Variants in LRRC1 observed in about 807,000 individuals in gnomAD.
The protein encoded by LRRC1 is leucine rich repeat containing 1.
In LRRC1, 28 loss-of-function variants were observed where a neutral mutation model predicts 69.9. The observed-to-expected ratio is 0.40, with a 90% CI of 0.30 to 0.55. LRRC1 has a LOEUF of 0.55. Ranked by LOEUF, LRRC1 falls within the 20% of genes least tolerant of loss-of-function variation. The pLI, the probability that LRRC1 is intolerant of heterozygous loss-of-function variation, is 0.47. For missense variants in LRRC1, 498 were observed against 609.0 expected (o/e 0.82, Z 1.92); for synonymous variants, 236 against 240.2 (o/e 0.98, Z 0.16).
chr6:53,812,368 G>T (rs1344514886), intron 1 of LRRC1, among the ~76,000 whole-genome samples: 1 of 152,142 alleles, frequency 6.6e-6, no homozygotes, highest in Non-Finnish European at 1.5e-5. Flanking sequence ...TGAATTATTG[G>T]TTTGAGTGAC....
intron 8 of LRRC1, 80 bp downstream of exon 8, chr6:53,899,971 G>A: frequency 1.5e-6 from 2 of 1,308,900 alleles, no homozygotes; most frequent in Non-Finnish European, 1.0e-6. Flanking sequence ...TGATCCTTTG[G>A]TCACCACTTT....
chr6:53,913,377 A>G (rs1768472441), intron 10 of LRRC1, among the ~76,000 whole-genome samples: 1 of 152,072 alleles, frequency 6.6e-6, no homozygotes, highest in Non-Finnish European at 1.5e-5. Flanking sequence ...ACCAAAAAAC[A>G]AAAAACTGGA....
Position 53,897,320 on chromosome 6 carries a change from T to A in LRRC1, c.603T>A (p.Asp201Glu), listed in dbSNP as rs148410027. Residue 201 changes from aspartate (D) to glutamate (E), a missense_variant, in exon 7 of 14, where the codon GAT becomes GAA. Asp to Glu is a conservative substitution (Grantham distance 45). Transcript: ENST00000370888. Reference sequence around the variant, plus strand: ...TTGGAGCCCTCTTACATCTAAAAGATCTCTGGTTGGATGGAAATCAACTGT... The same window carrying A: ...TTGGAGCCCTCTTACATCTAAAAGAACTCTGGTTGGATGGAAATCAACTGT... ...ESIGALLHLK[D>E]LWLDGNQLSE... 29 of 1,612,832 alleles carry A rather than the reference T, an allele frequency of 1.8e-5. No individual in the cohort carries two copies. Among genetic ancestry groups the A allele is most frequent in the Admixed American group, 1.0e-4 (6 of 59,978 alleles).
intron 1 of LRRC1, among the ~76,000 whole-genome samples, chr6:53,819,133 A>G (rs1012405576): frequency 3.9e-5 from 6 of 152,320 alleles, no homozygotes; most frequent in South Asian, 4.1e-4. Context: ...GAAGAGAGAG[A>G]GGCAATTAAG....
intron 9 of LRRC1, 101 bp downstream of exon 9, chr6:53,902,848 C>A: frequency 1.4e-6 from 1 of 726,572 alleles, no homozygotes; most frequent in Non-Finnish European, 2.3e-6. Context: ...ATATTACATC[C>A]CAAAACGGTC....
At chr6:53,862,309 GTGTGTGTGTGT>G (rs1359712344) in intron 2 of LRRC1, among the ~76,000 whole-genome samples, 1 of 151,758 alleles carries the variant, frequency 6.6e-6, no homozygotes, top group African/African-American at 2.4e-5. Context: ...GTGTGTGTGT[GTGTGTGTGTGT>G]GTGTGTATGT....
rs9296720 is a variant in LRRC1 at position 53,853,033 on chromosome 6, T to A, written c.277+10806T>A. ...CATCAAAGATGGTGCCTTGTTGCCATGTCCTCACATTGTGGAAGGGCAGGG... is the reference window on the plus strand; with the variant it reads ...CATCAAAGATGGTGCCTTGTTGCCAAGTCCTCACATTGTGGAAGGGCAGGG... On this transcript the variant is annotated intron_variant, in intron 2 of 13. Coordinates refer to ENST00000370888, the MANE Select transcript of LRRC1 (RefSeq NM_018214.5). 4.6e-3 allele frequency among the ~76,000 whole-genome samples: 693 copies of A among 152,128 alleles called. 6 individuals carry two copies. Among genetic ancestry groups the A allele is most frequent in the Non-Finnish European group, 6.7e-3 (453 of 68,004 alleles).
intron 7 of LRRC1, 99 bp from the exon 8 acceptor site, chr6:53,899,648 G>T: frequency 1.7e-6 from 2 of 1,195,476 alleles, no homozygotes; most frequent in East Asian, 2.4e-5. Flanking sequence ...ACATCCTTAG[G>T]ACCGCCCTGG....
chr6:53,845,766 T>A (rs1220156773), intron 2 of LRRC1, among the ~76,000 whole-genome samples: 1 of 152,164 alleles, frequency 6.6e-6, no homozygotes, highest in Non-Finnish European at 1.5e-5. Context: ...AGATCCAGAG[T>A]GGATCTGGAG....
intron 2 of LRRC1, among the ~76,000 whole-genome samples, chr6:53,876,500 T>C (rs1219861481): frequency 6.6e-6 from 1 of 152,132 alleles, no homozygotes; most frequent in Admixed American, 6.6e-5. Context: ...CCAAATCTTA[T>C]CCAAGACAAG....
Position 53,823,107 on chromosome 6 carries a change from G to A in LRRC1, c.160-19003G>A, listed in dbSNP as rs184376454. On this transcript the variant is annotated intron_variant, in intron 1 of 13. Coordinates refer to ENST00000370888, the MANE Select transcript of LRRC1 (RefSeq NM_018214.5). ...CTGTGACTCTGGAGTGTAAGTTTTG[G>A]ATAGGCTGCTATTGGTCTGAGCCTT... Among the ~76,000 whole-genome samples, 301 of 152,278 alleles carry A rather than the reference G, an allele frequency of 2.0e-3. 1 individual carries two copies. The highest frequency in any genetic ancestry group is 6.8e-3 in the Middle Eastern group (2 of 294).
At chr6:53,868,361 A>G (rs565347370) in intron 2 of LRRC1, among the ~76,000 whole-genome samples, 1 of 151,896 alleles carries the variant, frequency 6.6e-6, no homozygotes, top group Non-Finnish European at 1.5e-5. Context: ...AGTAGCTGGG[A>G]TTACAGGCAT....
In LRRC1 at chr6:53,922,803, T is replaced by C; in HGVS notation, c.*10T>C. The C allele has an allele frequency of 6.2e-7, 1 of 1,610,544 alleles. No individual in the cohort carries two copies. The highest frequency in any genetic ancestry group is 1.1e-5 in the South Asian group (1 of 90,638). On this transcript the variant is annotated 3_prime_UTR_variant, in exon 14 of 14. Coordinates refer to ENST00000370888, the MANE Select transcript of LRRC1 (RefSeq NM_018214.5). ...GACCACTTCTGTGTAGAGTTTCACC[T>C]CCAAGTTTTACCTCCTGTGTCTTCC... is the stretch of plus-strand genomic sequence containing the variant.
At chr6:53,866,614 G>A (rs993589361) in intron 2 of LRRC1, among the ~76,000 whole-genome samples, 1 of 152,094 alleles carries the variant, frequency 6.6e-6, no homozygotes, top group African/African-American at 2.4e-5. Context: ...ATTTGGGGGG[G>A]ATTCATGGAA....
chr6:53,920,437 T>A (rs1768702528), intron 12 of LRRC1, 188 bp from the exon 13 acceptor site: 3 of 535,546 alleles, frequency 5.6e-6, no homozygotes, highest in Non-Finnish European at 6.6e-6. Context: ...CAGGCCTTTT[T>A]CTTTTTGTTT....
At chr6:53,905,008 T>G (rs1441357293) in intron 10 of LRRC1, 2 of 152,276 alleles carry the variant, frequency 1.3e-5, no homozygotes, top group Non-Finnish European at 2.9e-5. Flanking sequence ...TTTTTTTTGG[T>G]TAGTAGTCTA....
At chr6:53,884,353 A>C (rs568228403) in intron 4 of LRRC1, among the ~76,000 whole-genome samples, 1 of 152,252 alleles carries the variant, frequency 6.6e-6, no homozygotes, top group Admixed American at 6.5e-5. Context: ...AAAACAAAAA[A>C]AAAATTAGCT....
intron 2 of LRRC1, among the ~76,000 whole-genome samples, chr6:53,863,154 A>G (rs757628794): frequency 3.3e-5 from 5 of 152,156 alleles, no homozygotes; most frequent in Non-Finnish European, 5.9e-5. Flanking sequence ...TGTTTTATTC[A>G]TTATAGCTTT....
intron 2 of LRRC1, among the ~76,000 whole-genome samples, chr6:53,861,708 G>C (rs1379530450): frequency 6.6e-6 from 1 of 152,090 alleles, no homozygotes; most frequent in African/African-American, 2.4e-5. Flanking sequence ...GGAAAAGTGT[G>C]TTCACTCCTG....
Sources: allele counts gnomAD v4.1 joint callset (sites outside exome capture counted in the v4.1 genomes callset), GRCh38; gene constraint gnomAD v4.1.1; transcripts MANE v1.5; gene names NCBI Gene and HGNC (gene_info 2026-07-23, HGNC 2026-07-21).